The following ERBB4 variants were observed in gnomAD, a reference collection of about 807,000 sequenced individuals.
ERBB4 encodes the protein erb-b2 receptor tyrosine kinase 4, also known as receptor tyrosine-protein kinase erbB-4.
In ERBB4, 42 loss-of-function variants were observed where a neutral mutation model predicts 158.0. That is an observed-to-expected ratio of 0.27 (90% CI 0.21 to 0.34). The LOEUF (loss-of-function observed/expected upper bound fraction) is 0.34. Ranked by LOEUF, ERBB4 falls within the 10% of genes least tolerant of loss-of-function variation. The pLI is 1.00. For synonymous variants in ERBB4, 583 were observed against 558.7 expected (o/e 1.04, Z -0.61); for missense variants, 1,333 against 1,624.1 (o/e 0.82, Z 3.08).
chr2:211,788,005 A>G lies in ERBB4; in HGVS notation c.556+20T>C. On this transcript the variant is annotated intron_variant, in intron 4 of 27. Transcript: ENST00000342788. ...TAGGGTAGAACATTTTGAGAAATTAAAAAGAATAATTCTACTTACATCCTG... is the reference window on the plus strand; with the variant it reads ...TAGGGTAGAACATTTTGAGAAATTAGAAAGAATAATTCTACTTACATCCTG... 1.2e-6 allele frequency: 2 copies of G among 1,612,000 alleles called. No individual in the cohort carries two copies. Among genetic ancestry groups the G allele is most frequent in the East Asian group, 2.2e-5 (1 of 44,796 alleles).
At chr2:212,125,073 CT>C in intron 1 of ERBB4, 170 bp from the exon 2 acceptor site, 1 of 697,420 alleles carries the variant, frequency 1.4e-6, no homozygotes, top group Non-Finnish European at 2.4e-6. Context: ...AACATTTTCA[CT>C]TTTATATTCC....
intron 3 of ERBB4, among the ~76,000 whole-genome samples, chr2:211,842,254 G>T (rs1575230075): frequency 6.6e-6 from 1 of 150,740 alleles, no homozygotes. Flanking sequence ...AAGGCTGTTG[G>T]GTTTTTTTTT....
At chr2:212,381,855 C>A (rs2090514427) in intron 1 of ERBB4, among the ~76,000 whole-genome samples, 1 of 151,326 alleles carries the variant, frequency 6.6e-6, no homozygotes, top group African/African-American at 2.4e-5. Context: ...AACTAACCTA[C>A]ATTAAATCTG....
chr2:211,448,901 T>C (rs1263576744), intron 20 of ERBB4, among the ~76,000 whole-genome samples: 1 of 152,156 alleles, frequency 6.6e-6, no homozygotes, highest in Non-Finnish European at 1.5e-5. Context: ...TCTAAGATAT[T>C]TAAAATCTCT....
intron 1 of ERBB4, among the ~76,000 whole-genome samples, chr2:212,298,124 CTG>C (rs1347038814): frequency 6.6e-6 from 1 of 151,644 alleles, no homozygotes; most frequent in African/African-American, 2.4e-5. Flanking sequence ...CTTTTGGAAA[CTG>C]AACAAATCAT....
chr2:211,399,021 C>T (rs1442189676), intron 25 of ERBB4, among the ~76,000 whole-genome samples: 2 of 152,194 alleles, frequency 1.3e-5, no homozygotes, highest in Non-Finnish European at 2.9e-5. Flanking sequence ...GCCCTTTCCT[C>T]TCTCACCTCC....
chr2:212,278,842 C>T lies in ERBB4; in HGVS notation c.83-153939G>A, dbSNP rs185437040. On this transcript the variant is annotated intron_variant, in intron 1 of 27. Coordinates refer to ENST00000342788, the MANE Select transcript of ERBB4 (RefSeq NM_005235.3). ...TAGCATAATCGGTCACTTTATAATC[C>T]CAATTAACATTCATTCCCACACAGA... is the stretch of plus-strand genomic sequence containing the variant. 4.0e-5 allele frequency among the ~76,000 whole-genome samples: 6 copies of T among 151,462 alleles called. No homozygotes were observed. The Admixed American group carries it at 4.0e-4, about 10-fold the overall frequency.
Position 211,386,741 on chromosome 2 carries a change from G to C in ERBB4, c.3481+112C>G, listed in dbSNP as rs958021135. On this transcript the variant is annotated intron_variant, in intron 27 of 27. Coordinates refer to ENST00000342788, the MANE Select transcript of ERBB4 (RefSeq NM_005235.3). Reference sequence around the variant, plus strand: ...AGTAGCAGTAGCCTAGGCCTTTACTGGATCACAAATGTTGTGCTGGTCAGC... The same window carrying C: ...AGTAGCAGTAGCCTAGGCCTTTACTCGATCACAAATGTTGTGCTGGTCAGC... The C allele has an allele frequency of 6.3e-5, 63 of 997,872 alleles. No homozygotes were observed. The South Asian group carries it at 8.1e-4, about 13-fold the overall frequency. 61.8% of individuals were successfully genotyped at this position (997,872 alleles called of 1,614,324 possible).
At chr2:211,667,095 CAA>C (rs5838274) in intron 14 of ERBB4, among the ~76,000 whole-genome samples, 15 of 141,246 alleles carry the variant, frequency 1.1e-4, no homozygotes, top group Admixed American at 2.1e-4. Context: ...CCTGATGAGC[CAA>C]AAAAAAAAAA....
At chr2:211,804,509 C>T (rs1199064373) in intron 3 of ERBB4, among the ~76,000 whole-genome samples, 1 of 152,024 alleles carries the variant, frequency 6.6e-6, no homozygotes, top group Non-Finnish European at 1.5e-5. Flanking sequence ...AATACAATTC[C>T]AAAAAAGTCT....
At chr2:211,496,323 A>G (rs1294192800) in intron 20 of ERBB4, among the ~76,000 whole-genome samples, 4 of 151,974 alleles carry the variant, frequency 2.6e-5, no homozygotes, top group Non-Finnish European at 5.9e-5. Flanking sequence ...CCCTATATAC[A>G]GTTCCCTACT....
intron 1 of ERBB4, among the ~76,000 whole-genome samples, chr2:212,280,281 A>T (rs2085705217): frequency 6.6e-6 from 1 of 151,558 alleles, no homozygotes; most frequent in African/African-American, 2.4e-5. Flanking sequence ...TCCTGTAGCA[A>T]CCAACATATT....
intron 16 of ERBB4, among the ~76,000 whole-genome samples, chr2:211,635,149 C>T (rs1014814695): frequency 6.6e-6 from 1 of 151,730 alleles, no homozygotes; most frequent in Non-Finnish European, 1.5e-5. Flanking sequence ...GTTGAGACCC[C>T]CTAAAGTATA....
intron 1 of ERBB4, among the ~76,000 whole-genome samples, chr2:212,195,054 C>T (rs1027750451): frequency 2.0e-5 from 3 of 151,932 alleles, no homozygotes; most frequent in African/African-American, 4.8e-5. Flanking sequence ...AACCACAACA[C>T]ATTAAATTGC....
chr2:212,263,918 G>A (rs1355272266), intron 1 of ERBB4, among the ~76,000 whole-genome samples: 1 of 151,808 alleles, frequency 6.6e-6, no homozygotes, highest in Non-Finnish European at 1.5e-5. Context: ...AGATGCCATT[G>A]TAATTGTTAG....
chr2:211,888,283 C>T (rs2078857590), intron 3 of ERBB4, among the ~76,000 whole-genome samples: 1 of 152,132 alleles, frequency 6.6e-6, no homozygotes, highest in African/African-American at 2.4e-5. Flanking sequence ...AGAAAACAAG[C>T]TCATGATTAG....
intron 25 of ERBB4, among the ~76,000 whole-genome samples, chr2:211,405,209 G>A (rs539008729): frequency 6.6e-6 from 1 of 152,130 alleles, no homozygotes; most frequent in African/African-American, 2.4e-5. Flanking sequence ...ATGCTATGTT[G>A]CCATATCACT....
At position 211,872,568 on chromosome 2, in the gene ERBB4, G is replaced by C. The variant is rs139841188; in HGVS notation, c.421+74862C>G. Among the ~76,000 whole-genome samples the C allele has an allele frequency of 6.5e-4, 99 of 151,940 alleles. 1 individual carries two copies. Among genetic ancestry groups the C allele is most frequent in the African/African-American group, 2.2e-3 (92 of 41,448 alleles). Reference sequence around the variant, plus strand: ...AAATTTATTTTTTTTATCTTATTTAGTGAAAAATAAATTCAGAGTCATGCT... The same window carrying C: ...AAATTTATTTTTTTTATCTTATTTACTGAAAAATAAATTCAGAGTCATGCT... On this transcript the variant is annotated intron_variant, in intron 3 of 27. Transcript: ENST00000342788.
At chr2:211,698,674 A>G (rs1363187037) in intron 12 of ERBB4, among the ~76,000 whole-genome samples, 1 of 152,158 alleles carries the variant, frequency 6.6e-6, no homozygotes, top group African/African-American at 2.4e-5. Context: ...CAGTATCTGT[A>G]TAAATATTTT....
Sources: allele counts gnomAD v4.1 joint callset (sites outside exome capture counted in the v4.1 genomes callset), GRCh38; gene constraint gnomAD v4.1.1; transcripts MANE v1.5; gene names NCBI Gene and HGNC (gene_info 2026-07-23, HGNC 2026-07-21).